The following RAB13 variants were observed in gnomAD, a reference collection of about 807,000 sequenced individuals.
RAB13 encodes the protein RAB13, member RAS oncogene family.
In RAB13, 15 loss-of-function variants were observed where a neutral mutation model predicts 29.3. That is an observed-to-expected ratio of 0.51 (90% confidence interval 0.34 to 0.79). The LOEUF (loss-of-function observed/expected upper bound fraction) is 0.79. Ranked by LOEUF, RAB13 falls within the 30% of genes least tolerant of loss-of-function variation. RAB13 has a pLI of 0.01. For missense variants in RAB13, 186 were observed against 255.5 expected, an observed-to-expected ratio of 0.73 and a Z score of 1.85; for synonymous variants, 82 against 93.8, an observed-to-expected ratio of 0.87 and a Z score of 0.73.
upstream of RAB13, among the ~76,000 whole-genome samples, chr1:153,988,008 CAG>C (rs1351577921): frequency 6.6e-6 from 1 of 151,838 alleles, no homozygotes; most frequent in Non-Finnish European, 1.5e-5. Flanking sequence ...TTTTTTGAGA[CAG>C]AGTCTTGCTC....
At chr1:153,987,914 A>G (rs1331208619), upstream of RAB13, among the ~76,000 whole-genome samples, 1 of 151,852 alleles carries the variant, frequency 6.6e-6, no homozygotes, top group Non-Finnish European at 1.5e-5. Context: ...CACGATTATG[A>G]TGCCACTGCT....
chr1:153,986,913 T>A (rs1649186869), upstream of RAB13, among the ~76,000 whole-genome samples: 1 of 152,034 alleles, frequency 6.6e-6, no homozygotes, highest in Admixed American at 6.6e-5. Flanking sequence ...TGCCCCCTGG[T>A]GGAACAGGGT....
At chr1:153,988,439 G>A (rs899080417), upstream of RAB13, among the ~76,000 whole-genome samples, 2 of 146,840 alleles carry the variant, frequency 1.4e-5, no homozygotes, top group Non-Finnish European at 1.5e-5. Context: ...GACTACAGGC[G>A]CCCGCCACCA....
intron 1 of RAB13, 132 bp downstream of exon 1, chr1:153,985,981 G>T: frequency 6.8e-7 from 1 of 1,462,266 alleles, no homozygotes. Context: ...AAGGGTCAGA[G>T]CCAGGGGTTG....
chr1:153,983,931 C>T (rs1649075611), intron 2 of RAB13, among the ~76,000 whole-genome samples: 2 of 152,130 alleles, frequency 1.3e-5, no homozygotes, highest in South Asian at 4.1e-4. Flanking sequence ...AATCCCAACA[C>T]TTTGGGAGGC....
intron 2 of RAB13, among the ~76,000 whole-genome samples, chr1:153,983,788 T>C (rs898002198): frequency 2.0e-5 from 3 of 152,224 alleles, no homozygotes; most frequent in African/African-American, 7.2e-5. Flanking sequence ...GCTTATTCAT[T>C]GAATGTTTGC....
Position 153,983,551 on chromosome 1 carries a change from T to C in RAB13, c.216A>G (p.Thr72=), listed in dbSNP as rs753238807. Residue 72 remains threonine (T), a synonymous_variant, in exon 3 of 8, where the codon ACA becomes ACG. Transcript: ENST00000368575. ...CTCCACGGTAGTAGGCAGTAGTTATTGTCTTGAACCGCTCTTGGCCAGCCG... is the reference window on the plus strand; with the variant it reads ...CTCCACGGTAGTAGGCAGTAGTTATCGTCTTGAACCGCTCTTGGCCAGCCG... ...WDTAGQERFK[T]ITTAYYRGAM... 19 of 1,612,246 alleles carry C rather than the reference T, an allele frequency of 1.2e-5. No individual in the cohort carries two copies. Among genetic ancestry groups the C allele is most frequent in the Admixed American group, 1.7e-5 (1 of 60,010 alleles).
At chr1:153,985,309 C>T (rs756738747) in intron 1 of RAB13, 114 of 984,718 alleles carry the variant, frequency 1.2e-4, no homozygotes, top group Non-Finnish European at 1.3e-4. Context: ...GAAAGAGGGG[C>T]ATTTTTCCTT....
intron 1 of RAB13, 55 bp downstream of exon 1, chr1:153,986,058 C>T: frequency 6.2e-7 from 1 of 1,607,122 alleles, no homozygotes; most frequent in Non-Finnish European, 8.5e-7. Context: ...AATCCGGGAG[C>T]CGGAGAAGGA....
At chr1:153,989,913 A>AT (rs966843157), upstream of RAB13, among the ~76,000 whole-genome samples, 4 of 151,948 alleles carry the variant, frequency 2.6e-5, no homozygotes, top group African/African-American at 9.7e-5. Context: ...AAAAATAAAA[A>AT]TAAAAAAAAA....
upstream of RAB13, among the ~76,000 whole-genome samples, chr1:153,987,774 CAAAAAAAAAAAAAA>C (rs60689643): frequency 3.7e-5 from 2 of 54,314 alleles, no homozygotes; most frequent in African/African-American, 7.9e-5. Flanking sequence ...ACTGCTTCGA[CAAAAAAAAAAAAAA>C]AAAAAAAAAA....
chr1:153,990,627 C>T (rs2147865766), upstream of RAB13: 1 of 782,654 alleles, frequency 1.3e-6, no homozygotes, highest in Non-Finnish European at 2.2e-6. Context: ...AGTTAAAGAC[C>T]TTCCGAAAAT....
At chr1:153,983,684 G>A in intron 2 of RAB13, 103 bp from the exon 3 acceptor site, 1 of 1,007,156 alleles carries the variant, frequency 9.9e-7, no homozygotes, top group Non-Finnish European at 1.5e-6. Flanking sequence ...ACATGGTGGG[G>A]CAACAGAATA....
upstream of RAB13, chr1:153,986,438 G>C: frequency 1.8e-6 from 1 of 565,214 alleles, no homozygotes; most frequent in Non-Finnish European, 3.1e-6. Flanking sequence ...GCAGGCCAAG[G>C]CTGCCAGCCC....
At chr1:153,985,471 G>A (rs1265820341) in intron 1 of RAB13, 1 of 676,208 alleles carries the variant, frequency 1.5e-6, no homozygotes, top group East Asian at 1.3e-4. Context: ...CCCCTGGGAG[G>A]AGGATGAGTC....
upstream of RAB13, among the ~76,000 whole-genome samples, chr1:153,988,263 A>G (rs941570008): frequency 3.0e-5 from 4 of 132,338 alleles, no homozygotes; most frequent in African/African-American, 1.2e-4. Context: ...AAGTGCTGGG[A>G]TTACAGTCGT....
At chr1:153,985,043 T>G in intron 1 of RAB13, 1 of 1,202,386 alleles carries the variant, frequency 8.3e-7, no homozygotes, top group Non-Finnish European at 1.0e-6. Context: ...CTTAAAATCC[T>G]TAGGCTGCCT....
intron 6 of RAB13, 34 bp from the exon 7 acceptor site, chr1:153,982,478 G>GA (rs1649015734): frequency 1.2e-6 from 2 of 1,608,872 alleles, no homozygotes; most frequent in Non-Finnish European, 1.7e-6. Flanking sequence ...TTGGAGGGAG[G>GA]AGAATCTACC....
At chr1:153,987,515 C>CAAAAAA (rs775480072), upstream of RAB13, among the ~76,000 whole-genome samples, 1 of 97,038 alleles carries the variant, frequency 1.0e-5, no homozygotes, top group Non-Finnish European at 2.2e-5. Flanking sequence ...GACTCCGTCT[C>CAAAAAA]AAAAAAAAAA....
Sources: allele counts gnomAD v4.1 joint callset (sites outside exome capture counted in the v4.1 genomes callset), GRCh38; gene constraint gnomAD v4.1.1; transcripts MANE v1.5; gene names NCBI Gene and HGNC (gene_info 2026-07-23, HGNC 2026-07-21).